The following FSTL5 variants were observed in gnomAD, a reference collection of about 807,000 sequenced individuals.
FSTL5 encodes follistatin like 5.
FSTL5 carries 62 observed loss-of-function variants against 89.1 expected under a neutral mutation model. The observed-to-expected ratio is 0.70, with a 90% CI of 0.57 to 0.86. The LOEUF is 0.86. Ranked by LOEUF, FSTL5 falls within the 40% of genes least tolerant of loss-of-function variation. FSTL5 has a pLI of 0.00. For missense variants in FSTL5, 1,057 were observed against 1,001.6 expected (o/e 1.06, Z -0.75); for synonymous variants, 383 against 346.2 (o/e 1.11, Z -1.18).
chr4:161,731,593 G>A (rs1739614756), intron 6 of FSTL5, among the ~76,000 whole-genome samples: 1 of 151,962 alleles, frequency 6.6e-6, no homozygotes, highest in Non-Finnish European at 1.5e-5. Context: ...ACAGCCTGCA[G>A]AACCGTAAGT....
intron 6 of FSTL5, among the ~76,000 whole-genome samples, chr4:161,716,263 G>A (rs890514473): frequency 3.9e-5 from 6 of 151,966 alleles, no homozygotes; most frequent in African/African-American, 1.5e-4. Flanking sequence ...TCTCTTGTTT[G>A]TCTCCACCTC....
At chr4:161,616,875 A>G (rs1198683183) in intron 7 of FSTL5, among the ~76,000 whole-genome samples, 1 of 151,400 alleles carries the variant, frequency 6.6e-6, no homozygotes, top group Non-Finnish European at 1.5e-5. Flanking sequence ...ATAAAATAAA[A>G]AAACAAAAAG....
intron 4 of FSTL5, among the ~76,000 whole-genome samples, chr4:161,869,055 C>G (rs1290564027): frequency 6.6e-6 from 1 of 152,052 alleles, no homozygotes; most frequent in Non-Finnish European, 1.5e-5. Flanking sequence ...AACCTCGTCT[C>G]TACAAAAATA....
chr4:161,475,063 G>A (rs545859175), intron 13 of FSTL5, among the ~76,000 whole-genome samples: 13 of 147,368 alleles, frequency 8.8e-5, no homozygotes, highest in South Asian at 6.5e-4. Context: ...TATGCCGAAC[G>A]TATGGATCCA....
chr4:161,635,491 TA>T (rs34085655), intron 7 of FSTL5, among the ~76,000 whole-genome samples: 36,207 of 150,108 alleles, frequency 0.24, 4,440 homozygotes, highest in East Asian at 0.33. Flanking sequence ...TGTTACAAAT[TA>T]AAAAAAAAAA....
intron 6 of FSTL5, among the ~76,000 whole-genome samples, chr4:161,689,993 G>A (rs1737875660): frequency 6.6e-6 from 1 of 152,030 alleles, no homozygotes; most frequent in South Asian, 2.1e-4. Flanking sequence ...TGTTTTCATG[G>A]CTGGATAATG....
intron 7 of FSTL5, among the ~76,000 whole-genome samples, chr4:161,615,021 G>A (rs537032101): frequency 6.6e-6 from 1 of 151,962 alleles, no homozygotes; most frequent in South Asian, 2.1e-4. Flanking sequence ...TTGGCTGGGC[G>A]CGGTGGCTCA....
Position 161,808,989 on chromosome 4 carries a change from C to A in FSTL5, c.410-32915G>T, listed in dbSNP as rs184176666. 2.0e-5 allele frequency among the ~76,000 whole-genome samples: 3 copies of A among 152,190 alleles called. No individual in the cohort carries two copies. The East Asian group carries it at 5.8e-4, about 29-fold the overall frequency. On this transcript the variant is annotated intron_variant, in intron 4 of 15. Coordinates refer to ENST00000306100, the MANE Select transcript of FSTL5 (RefSeq NM_020116.5). ...ACCTCAGCACTTTGGGAGGCCGAGG[C>A]GGGCAGATCACGAGGTCAGAAGATC...
chr4:161,743,592 A>G lies in FSTL5; in HGVS notation c.727+15819T>C, dbSNP rs561603592. ...TTTCTATTTCTGAAAAAACACTATT[A>G]GGATATTGATAGGGATTGCATTTAA... On this transcript the variant is annotated intron_variant, in intron 6 of 15. Coordinates refer to ENST00000306100, the MANE Select transcript of FSTL5 (RefSeq NM_020116.5). 8.5e-5 allele frequency among the ~76,000 whole-genome samples: 13 copies of G among 152,150 alleles called. No homozygotes were observed. In the South Asian group the frequency reaches 1.9e-3, roughly 22 times the overall value.
chr4:161,738,185 CTT>C (rs1739887274), intron 6 of FSTL5, among the ~76,000 whole-genome samples: 2 of 151,994 alleles, frequency 1.3e-5, no homozygotes, highest in Admixed American at 1.3e-4. Flanking sequence ...CTGGGCAACA[CTT>C]AATTTTCTTC....
At chr4:162,122,305 C>T (rs1393125355) in intron 1 of FSTL5, among the ~76,000 whole-genome samples, 1 of 152,098 alleles carries the variant, frequency 6.6e-6, no homozygotes, top group African/African-American at 2.4e-5. Flanking sequence ...TTTCTTAACA[C>T]TTGCATTAAC....
chr4:161,523,327 A>G (rs17041173), intron 10 of FSTL5, among the ~76,000 whole-genome samples: 27,707 of 152,142 alleles, frequency 0.18, 3,249 homozygotes, highest in Non-Finnish European at 0.26. Context: ...TCTTATGTAT[A>G]TATAGGCAGG....
chr4:161,877,689 T>G (rs189127196), intron 4 of FSTL5, among the ~76,000 whole-genome samples: 165 of 151,540 alleles, frequency 1.1e-3, no homozygotes, highest in African/African-American at 3.7e-3. Context: ...AGCCAGGCGT[T>G]GTGGCGGGCC....
chr4:161,692,758 T>A (rs955848551), intron 6 of FSTL5, among the ~76,000 whole-genome samples: 3 of 152,162 alleles, frequency 2.0e-5, no homozygotes, highest in Non-Finnish European at 4.4e-5. Context: ...AGAGTCTTGC[T>A]CTGTCTCCAG....
intron 15 of FSTL5, among the ~76,000 whole-genome samples, chr4:161,390,153 G>A (rs552391077): frequency 6.6e-6 from 1 of 152,248 alleles, no homozygotes; most frequent in South Asian, 2.1e-4. Flanking sequence ...TAGAGGCACT[G>A]CTTCAGTACT....
At chr4:161,726,263 C>G (rs1466923409) in intron 6 of FSTL5, among the ~76,000 whole-genome samples, 3 of 120,716 alleles carry the variant, frequency 2.5e-5, no homozygotes, top group Non-Finnish European at 4.8e-5. Context: ...ATCTCACTCT[C>G]TTACCCAGGC....
At chr4:161,912,551 G>A (rs187525647) in intron 4 of FSTL5, among the ~76,000 whole-genome samples, 198 of 152,140 alleles carry the variant, frequency 1.3e-3, no homozygotes, top group African/African-American at 4.6e-3. Flanking sequence ...ACCTTCCACC[G>A]TGATTCTGAG....
chr4:162,087,268 G>A (rs145518221), intron 2 of FSTL5, among the ~76,000 whole-genome samples: 152 of 152,138 alleles, frequency 1.0e-3, no homozygotes, highest in African/African-American at 3.3e-3. Flanking sequence ...CTTACATAAG[G>A]TTACTTCAAT....
At chr4:161,569,299 A>G (rs4312717) in intron 8 of FSTL5, among the ~76,000 whole-genome samples, 18,854 of 152,150 alleles carry the variant, frequency 0.12, 1,684 homozygotes, top group East Asian at 0.48. Context: ...CATGGCTGCC[A>G]TAAACATTTC....
Sources: allele counts gnomAD v4.1 joint callset (sites outside exome capture counted in the v4.1 genomes callset), GRCh38; gene constraint gnomAD v4.1.1; transcripts MANE v1.5; gene names NCBI Gene and HGNC (gene_info 2026-07-23, HGNC 2026-07-21).